The following BRINP3 variants were observed in gnomAD, a reference collection of about 807,000 sequenced individuals.
The protein encoded by BRINP3 is BMP/retinoic acid-inducible neural-specific protein 3.
BRINP3 carries 19 observed loss-of-function variants against 71.0 expected under a neutral mutation model. The observed-to-expected ratio is 0.27, with a 90% CI of 0.19 to 0.39. The LOEUF (loss-of-function observed/expected upper bound fraction) is 0.39. BRINP3 is among the 10% of genes least tolerant of loss of function. BRINP3 has a pLI of 1.00. For missense variants in BRINP3, 959 were observed against 940.8 expected, an observed-to-expected ratio of 1.02 and a Z score of -0.25; for synonymous variants, 380 against 337.7, an observed-to-expected ratio of 1.13 and a Z score of -1.37.
chr1:190,230,364 G>A (rs1239488417), intron 5 of BRINP3, among the ~76,000 whole-genome samples: 8 of 151,934 alleles, frequency 5.3e-5, no homozygotes, highest in Non-Finnish European at 1.0e-4. Flanking sequence ...AAAATGACCA[G>A]CTGGTCAATG....
At chr1:190,179,818 A>C (rs1335025041) in intron 6 of BRINP3, among the ~76,000 whole-genome samples, 1 of 152,140 alleles carries the variant, frequency 6.6e-6, no homozygotes. Flanking sequence ...GTAGTGGCTC[A>C]ATGAACAGAC....
intron 2 of BRINP3, among the ~76,000 whole-genome samples, chr1:190,345,624 T>G (rs1402167379): frequency 5.3e-5 from 8 of 150,654 alleles, no homozygotes; most frequent in Admixed American, 4.7e-4. Flanking sequence ...TTTAGAAGAT[T>G]ATTGCTAAAA....
chr1:190,356,867 C>A lies in BRINP3; in HGVS notation c.237-75117G>T, dbSNP rs142654973. Among the ~76,000 whole-genome samples, 833 of 152,090 alleles carry A rather than the reference C, an allele frequency of 5.5e-3. 5 individuals carry two copies. Among genetic ancestry groups the A allele is most frequent in the African/African-American group, 0.018 (763 of 41,534 alleles). On this transcript the variant is annotated intron_variant, in intron 2 of 7. Coordinates refer to ENST00000367462, the MANE Select transcript of BRINP3 (RefSeq NM_199051.3). ...GTAATCTCTCATTCATTTAACTGTT[C>A]ATTTAATAAATATGTGGTTGACTTC...
intron 7 of BRINP3, among the ~76,000 whole-genome samples, chr1:190,148,555 C>G (rs1041594565): frequency 5.3e-5 from 8 of 150,604 alleles, no homozygotes; most frequent in African/African-American, 1.9e-4. Flanking sequence ...GAGATCGCGC[C>G]GCTGTATACA....
At chr1:190,450,033 T>C (rs1218622766) in intron 2 of BRINP3, among the ~76,000 whole-genome samples, 2 of 152,204 alleles carry the variant, frequency 1.3e-5, no homozygotes, top group Non-Finnish European at 2.9e-5. Flanking sequence ...TTTTTTGGTT[T>C]AATTGTGTCT....
At chr1:190,388,546 T>C (rs1671056213) in intron 2 of BRINP3, among the ~76,000 whole-genome samples, 1 of 151,680 alleles carries the variant, frequency 6.6e-6, no homozygotes, top group Admixed American at 6.6e-5. Flanking sequence ...GCCAGGGAAT[T>C]TGACAAAGAT....
intron 2 of BRINP3, among the ~76,000 whole-genome samples, chr1:190,341,572 G>A (rs530190385): frequency 2.0e-5 from 3 of 151,660 alleles, no homozygotes; most frequent in Non-Finnish European, 4.4e-5. Context: ...CGTGATCTAT[G>A]AGTAAAGACC....
intron 2 of BRINP3, among the ~76,000 whole-genome samples, chr1:190,313,394 T>C (rs1300813066): frequency 6.6e-6 from 1 of 151,682 alleles, no homozygotes; most frequent in Non-Finnish European, 1.5e-5. Context: ...GCGTGAAGGG[T>C]GGTGGGGCAG....
At chr1:190,166,585 T>A (rs1651559851) in intron 6 of BRINP3, among the ~76,000 whole-genome samples, 1 of 152,190 alleles carries the variant, frequency 6.6e-6, no homozygotes, top group African/African-American at 2.4e-5. Context: ...CTTAAGTTGT[T>A]AATGCAAAGA....
At chr1:190,381,141 T>TTCA (rs1357695340) in intron 2 of BRINP3, among the ~76,000 whole-genome samples, 10 of 152,144 alleles carry the variant, frequency 6.6e-5, no homozygotes, top group African/African-American at 2.4e-4. Flanking sequence ...TGCCTGACTA[T>TTCA]TCATGCACCC....
At chr1:190,188,108 T>A (rs1382158116) in intron 6 of BRINP3, among the ~76,000 whole-genome samples, 1 of 152,116 alleles carries the variant, frequency 6.6e-6, no homozygotes, top group Non-Finnish European at 1.5e-5. Context: ...TTGGATAAAT[T>A]TATTCTTAAA....
At chr1:190,374,283 T>G (rs2102209373) in intron 2 of BRINP3, among the ~76,000 whole-genome samples, 1 of 152,180 alleles carries the variant, frequency 6.6e-6, no homozygotes, top group South Asian at 2.1e-4. Flanking sequence ...AAAAGAAATC[T>G]ATCTGTCTGT....
At chr1:190,339,937 G>C (rs921824206) in intron 2 of BRINP3, among the ~76,000 whole-genome samples, 2 of 151,824 alleles carry the variant, frequency 1.3e-5, no homozygotes, top group Admixed American at 1.3e-4. Flanking sequence ...TTTTCAACTA[G>C]GCTTCTATGT....
chr1:190,352,573 CAT>C (rs891772745), intron 2 of BRINP3, among the ~76,000 whole-genome samples: 57 of 152,016 alleles, frequency 3.7e-4, no homozygotes, highest in African/African-American at 1.3e-3. Flanking sequence ...GTAAACATAT[CAT>C]ATTTTCCTAC....
chr1:190,242,429 A>G (rs1659191527), intron 4 of BRINP3, among the ~76,000 whole-genome samples: 1 of 152,088 alleles, frequency 6.6e-6, no homozygotes. Context: ...TACAGTTTAA[A>G]ATAGTGTATG....
chr1:190,321,941 TTAAG>T (rs992245246), intron 2 of BRINP3, among the ~76,000 whole-genome samples: 7 of 152,130 alleles, frequency 4.6e-5, no homozygotes, highest in Non-Finnish European at 7.4e-5. Context: ...CCTACAATTA[TTAAG>T]TGAGTTTTCT....
intron 6 of BRINP3, among the ~76,000 whole-genome samples, chr1:190,177,307 C>A (rs1252449698): frequency 2.7e-5 from 4 of 148,132 alleles, no homozygotes; most frequent in Admixed American, 1.3e-4. Context: ...GGACTACAGG[C>A]GCCCATTACC....
chr1:190,477,067 A>AG (rs1160155893), intron 1 of BRINP3, among the ~76,000 whole-genome samples: 1 of 152,210 alleles, frequency 6.6e-6, no homozygotes, highest in East Asian at 1.9e-4. Flanking sequence ...AATTGTCAGA[A>AG]GGTCTCTTTT....
intron 7 of BRINP3, among the ~76,000 whole-genome samples, chr1:190,145,242 A>G (rs1423467625): frequency 6.6e-6 from 1 of 152,190 alleles, no homozygotes; most frequent in Non-Finnish European, 1.5e-5. Flanking sequence ...TTGTCCAATG[A>G]AATAAAAAAT....
Sources: gnomAD v4.1 joint callset for allele counts (sites outside exome capture counted in the v4.1 genomes callset) on GRCh38, gnomAD v4.1.1 for gene constraint, MANE v1.5 for transcripts, NCBI Gene and HGNC (gene_info 2026-07-23, HGNC 2026-07-21) for gene names.